The following SBF2 variants were observed in gnomAD, a reference collection of about 807,000 sequenced individuals.
SBF2 encodes the protein SET binding factor 2.
In SBF2, 112 loss-of-function variants were observed where a neutral mutation model predicts 225.2. That is an observed-to-expected ratio of 0.50 (90% CI 0.43 to 0.58). The LOEUF is 0.58. SBF2 is among the 20% of genes least tolerant of loss of function. The pLI is 0.00. For missense variants in SBF2, 1,996 were observed against 2,206.2 expected, an observed-to-expected ratio of 0.90 and a Z score of 1.91; for synonymous variants, 763 against 773.3, an observed-to-expected ratio of 0.99 and a Z score of 0.22.
At chr11:10,138,988 T>C (rs922410620) in intron 2 of SBF2, among the ~76,000 whole-genome samples, 4 of 152,310 alleles carry the variant, frequency 2.6e-5, no homozygotes, top group African/African-American at 9.6e-5. Flanking sequence ...GCCCATCAAC[T>C]GGACTCTTTA....
chr11:10,269,868 C>T (rs1962328349), intron 1 of SBF2, among the ~76,000 whole-genome samples: 1 of 152,086 alleles, frequency 6.6e-6, no homozygotes. Flanking sequence ...TTGAAATGAT[C>T]CTCCCACCTC....
intron 16 of SBF2, among the ~76,000 whole-genome samples, chr11:9,904,055 G>C (rs7126063): frequency 0.28 from 42,212 of 151,852 alleles, 6,895 homozygotes; most frequent in African/African-American, 0.45. Flanking sequence ...CCTAGAGGGT[G>C]GGGGACAGCT....
At chr11:10,218,024 T>C (rs1190389985) in intron 1 of SBF2, among the ~76,000 whole-genome samples, 1 of 151,992 alleles carries the variant, frequency 6.6e-6, no homozygotes, top group East Asian at 1.9e-4. Context: ...CTCAAGCAAA[T>C]CTCTAGCTGG....
intron 3 of SBF2, among the ~76,000 whole-genome samples, chr11:10,035,993 A>G (rs1949420731): frequency 6.6e-6 from 1 of 152,166 alleles, no homozygotes; most frequent in South Asian, 2.1e-4. Context: ...TCACAATAGG[A>G]AAGACTTAGA....
In SBF2 at chr11:9,963,869, G is replaced by C. The variant is rs1866737321; in HGVS notation, c.1614C>G (p.Asp538Glu). The C allele has an allele frequency of 1.9e-6, 3 of 1,587,894 alleles. No homozygotes were observed. The highest frequency in any genetic ancestry group is 2.6e-6 in the Non-Finnish European group (3 of 1,156,912). Reference sequence around the variant, plus strand: ...CACTGTTGAAAACTGTCGTCACCTTGTCCATTATCGAAACTAGTAAAAGAA... The same window carrying C: ...CACTGTTGAAAACTGTCGTCACCTTCTCCATTATCGAAACTAGTAAAAGAA... ...PAGPPVVSIM[D>E]KVTTVFNSAQ... Residue 538 changes from aspartate to glutamate, a missense_variant, in exon 15 of 40, where the codon GAC becomes GAG. Transcript: ENST00000256190.
intron 2 of SBF2, among the ~76,000 whole-genome samples, chr11:10,049,026 A>G (rs1373130051): frequency 1.3e-5 from 2 of 152,176 alleles, no homozygotes; most frequent in Non-Finnish European, 2.9e-5. Context: ...AAGCTACTAA[A>G]TACTCCTTCC....
chr11:9,917,039 C>A (rs538010865), intron 16 of SBF2, among the ~76,000 whole-genome samples: 1 of 150,810 alleles, frequency 6.6e-6, no homozygotes, highest in South Asian at 2.1e-4. Flanking sequence ...TAAGATTACA[C>A]ATGTGTTCTT....
chr11:9,996,271 C>T lies in SBF2; in HGVS notation c.975+1995G>A, dbSNP rs1266011442. 2.0e-5 allele frequency among the ~76,000 whole-genome samples: 3 copies of T among 152,188 alleles called. No homozygotes were observed. The East Asian group carries it at 5.8e-4, about 29-fold the overall frequency. The stretch of plus-strand genomic sequence containing the variant: ...CTGTAGGAATTCTAGAAACATTAAA[C>T]TTTCTTCAGTCATTCAAATACTACC... On this transcript the variant is annotated intron_variant, in intron 9 of 39. Transcript: ENST00000256190.
chr11:9,961,674 G>A (rs1866578286), intron 16 of SBF2: 1 of 319,046 alleles, frequency 3.1e-6, no homozygotes, highest in Non-Finnish European at 5.9e-6. Context: ...ATATATAACT[G>A]AATGCTTTAA....
At chr11:10,016,259 T>C (rs939820545) in intron 6 of SBF2, among the ~76,000 whole-genome samples, 2 of 152,118 alleles carry the variant, frequency 1.3e-5, no homozygotes, top group African/African-American at 4.8e-5. Context: ...AAACAATCAG[T>C]TGATATTGTC....
At chr11:9,943,845 G>A (rs1420837333) in intron 16 of SBF2, among the ~76,000 whole-genome samples, 2 of 152,152 alleles carry the variant, frequency 1.3e-5, no homozygotes, top group Non-Finnish European at 2.9e-5. Flanking sequence ...AGCTGAAGTT[G>A]CACATACTCT....
intron 32 of SBF2, among the ~76,000 whole-genome samples, chr11:9,806,551 A>G (rs549865242): frequency 1.1e-4 from 16 of 152,328 alleles, no homozygotes; most frequent in East Asian, 7.7e-4. Flanking sequence ...CAAAAGGAGT[A>G]TGAATAAAAG....
intron 17 of SBF2, among the ~76,000 whole-genome samples, chr11:9,859,084 C>T (rs1025574428): frequency 6.6e-6 from 1 of 152,132 alleles, no homozygotes; most frequent in African/African-American, 2.4e-5. Flanking sequence ...TAAGAGTAAA[C>T]TTAAGAGGTG....
intron 29 of SBF2, among the ~76,000 whole-genome samples, chr11:9,813,572 C>T (rs962252504): frequency 1.3e-5 from 2 of 152,176 alleles, no homozygotes; most frequent in Admixed American, 6.5e-5. Flanking sequence ...GTGATCCGCC[C>T]ACCTCGGCCT....
Position 9,850,085 on chromosome 11 carries a change from T to A in SBF2, c.2744A>T (p.Glu915Val). 1 of 1,614,156 alleles carries A rather than the reference T, an allele frequency of 6.2e-7. No homozygotes were observed. The highest frequency in any genetic ancestry group is 8.5e-7 in the Non-Finnish European group (1 of 1,180,020). Reference sequence around the variant, plus strand: ...GTATGTGGTGAGGAACAAGGCTCCTTCTGCTGGCAGGAGCTGAGGGCCTCC... The same window carrying A: ...GTATGTGGTGAGGAACAAGGCTCCTACTGCTGGCAGGAGCTGAGGGCCTCC... Reference protein sequence around the residue: ...LLGGPQLLPAEGALFLTTYRI... With the variant: ...LLGGPQLLPAVGALFLTTYRI... The change falls in exon 22 of 40, where the codon GAA becomes GTA. Residue 915 changes from glutamate to valine, a missense_variant. Glu to Val is a moderately radical substitution (Grantham distance 121, BLOSUM62 -2). Coordinates refer to ENST00000256190, the MANE Select transcript of SBF2 (RefSeq NM_030962.4).
At chr11:10,041,110 C>T (rs1030274757) in intron 3 of SBF2, among the ~76,000 whole-genome samples, 16 of 151,854 alleles carry the variant, frequency 1.1e-4, no homozygotes, top group African/African-American at 2.4e-4. Context: ...AGTTGTGAAG[C>T]GATACCCTCA....
rs987577347 is a variant in SBF2, at chr11:10,029,016, A to G, written c.514-459T>C. On this transcript the variant is annotated intron_variant, in intron 5 of 39. Transcript: ENST00000256190. ...AAGACAATGAGAAAGATAGAAGAGA[A>G]GTAAAAAGGCGAAGGGCAAGAAAAA... Among the ~76,000 whole-genome samples the G allele has an allele frequency of 7.8e-4, 119 of 152,134 alleles. 2 individuals are homozygous for G. The highest frequency in any genetic ancestry group is 1.9e-4 in the Non-Finnish European group (13 of 68,024).
At chr11:9,890,431 A>G (rs141194815) in intron 17 of SBF2, among the ~76,000 whole-genome samples, 1 of 152,268 alleles carries the variant, frequency 6.6e-6, no homozygotes, top group Non-Finnish European at 1.5e-5. Flanking sequence ...TTGAATGGAG[A>G]ATTTTGAAGA....
intron 1 of SBF2, among the ~76,000 whole-genome samples, chr11:10,300,515 AT>A (rs1027812177): frequency 7.9e-5 from 12 of 151,120 alleles, no homozygotes; most frequent in Admixed American, 2.0e-4. Context: ...AAAGAAAAAA[AT>A]ATATATAAAT....
Sources: gnomAD v4.1 joint callset for allele counts (sites outside exome capture counted in the v4.1 genomes callset) on GRCh38, gnomAD v4.1.1 for gene constraint, MANE v1.5 for transcripts, NCBI Gene and HGNC (gene_info 2026-07-23, HGNC 2026-07-21) for gene names.